Variants in GPHN observed in about 807,000 individuals in gnomAD.
GPHN encodes gephyrin.
In GPHN, 17 loss-of-function variants were observed where a neutral mutation model predicts 95.5. That is an observed-to-expected ratio of 0.18 (90% confidence interval 0.12 to 0.27). The LOEUF (loss-of-function observed/expected upper bound fraction) is 0.27. GPHN is among the 10% of genes least tolerant of loss of function. GPHN has a pLI of 1.00. For synonymous variants in GPHN, 320 were observed against 322.5 expected (o/e 0.99, Z 0.08); for missense variants, 660 against 978.1 (o/e 0.67, Z 4.34).
intron 3 of GPHN, among the ~76,000 whole-genome samples, chr14:66,809,454 A>G (rs1477113719): frequency 6.6e-6 from 1 of 152,176 alleles, no homozygotes; most frequent in Non-Finnish European, 1.5e-5. Flanking sequence ...GTAAAGGAAA[A>G]CTGTGTGATA....
At chr14:66,630,656 T>G (rs1359697051) in intron 1 of GPHN, among the ~76,000 whole-genome samples, 2 of 152,056 alleles carry the variant, frequency 1.3e-5, no homozygotes, top group Non-Finnish European at 2.9e-5. Flanking sequence ...TATTTTTTAG[T>G]GGAAACGGAG....
intron 1 of GPHN, among the ~76,000 whole-genome samples, chr14:66,594,444 G>T (rs1379647602): frequency 6.6e-6 from 1 of 152,176 alleles, no homozygotes; most frequent in Non-Finnish European, 1.5e-5. Context: ...AATCAAAACA[G>T]CATGGTGCTG....
At chr14:67,050,420 T>C (rs998472543) in intron 10 of GPHN, among the ~76,000 whole-genome samples, 2 of 152,166 alleles carry the variant, frequency 1.3e-5, no homozygotes, top group Admixed American at 6.5e-5. Context: ...GTATCTACTA[T>C]AAGTGTAAGG....
chr14:67,628,413 T>C, the GPHN span, among the ~76,000 whole-genome samples: 1 of 152,206 alleles, frequency 6.6e-6, no homozygotes. Context: ...AGGAGGTGAA[T>C]ACATAATCAG....
At chr14:67,128,018 A>G (rs1027220419) in intron 17 of GPHN, among the ~76,000 whole-genome samples, 18 of 152,172 alleles carry the variant, frequency 1.2e-4, no homozygotes. Context: ...CCATGTCTTC[A>G]TTCTCCACTC....
intron 5 of GPHN, among the ~76,000 whole-genome samples, chr14:66,887,324 T>C (rs2064246746): frequency 6.6e-6 from 1 of 152,158 alleles, no homozygotes; most frequent in Non-Finnish European, 1.5e-5. Context: ...GCATGGTGGC[T>C]CACACCTATA....
the GPHN span, among the ~76,000 whole-genome samples, chr14:67,257,637 T>TA: frequency 2.0e-5 from 3 of 152,080 alleles, no homozygotes; most frequent in Non-Finnish European, 2.9e-5. Flanking sequence ...ACATAGAACA[T>TA]ACACACGTAT....
chr14:67,546,999 A>T, the GPHN span, among the ~76,000 whole-genome samples: 10,760 of 152,184 alleles, frequency 0.071, 429 homozygotes, highest in East Asian at 0.14. Flanking sequence ...CCACCTTATA[A>T]ACACCATACC....
At chr14:66,625,314 C>G (rs898260868) in intron 1 of GPHN, among the ~76,000 whole-genome samples, 1 of 152,140 alleles carries the variant, frequency 6.6e-6, no homozygotes, top group African/African-American at 2.4e-5. Context: ...CTCAAGTGAT[C>G]CTCCTGCCTT....
intron 6 of GPHN, among the ~76,000 whole-genome samples, chr14:66,916,875 A>G (rs767755509): frequency 2.0e-5 from 3 of 152,160 alleles, no homozygotes; most frequent in Non-Finnish European, 2.9e-5. Flanking sequence ...CAACACAGTC[A>G]TGTTTGTCTG....
chr14:66,806,512 A>G (rs142992588), intron 3 of GPHN, among the ~76,000 whole-genome samples: 4,329 of 152,148 alleles, frequency 0.028, 89 homozygotes, highest in Non-Finnish European at 0.04. Flanking sequence ...AAATTTTCCA[A>G]ACTTTTACAC....
At chr14:67,323,259 GTGTATATA>G in the GPHN span, among the ~76,000 whole-genome samples, 1 of 125,182 alleles carries the variant, frequency 8.0e-6, no homozygotes, top group Non-Finnish European at 1.7e-5. Context: ...GTGTGTGTGT[GTGTATATA>G]TATATATGGC....
intron 1 of GPHN, among the ~76,000 whole-genome samples, chr14:66,675,914 A>C (rs1382116957): frequency 6.6e-6 from 1 of 151,744 alleles, no homozygotes; most frequent in Non-Finnish European, 1.5e-5. Context: ...TTTTTCAGCT[A>C]GTTGGTTATT....
chr14:67,253,773 C>A, the GPHN span, among the ~76,000 whole-genome samples: 1 of 151,160 alleles, frequency 6.6e-6, no homozygotes, highest in Non-Finnish European at 1.5e-5. Context: ...CCCAGAAAGT[C>A]AAGGCTGTGG....
chr14:66,698,984 G>T (rs771466242), intron 2 of GPHN, among the ~76,000 whole-genome samples: 4 of 152,114 alleles, frequency 2.6e-5, no homozygotes, highest in Admixed American at 1.3e-4. Flanking sequence ...TTATTGACCC[G>T]TGGTGTAGAT....
At chr14:67,317,299 CA>C in the GPHN span, 10 of 1,013,130 alleles carry the variant, frequency 9.9e-6, no homozygotes, top group South Asian at 5.3e-5. Context: ...CTCGTTTCTG[CA>C]AAAAAATTTA....
the GPHN span, among the ~76,000 whole-genome samples, chr14:67,700,627 A>G: frequency 6.6e-6 from 1 of 151,336 alleles, no homozygotes; most frequent in Non-Finnish European, 1.5e-5. Context: ...AGGCAGGAGA[A>G]TGGCGTGAAC....
At chr14:66,702,925 A>G (rs1376047538) in intron 2 of GPHN, among the ~76,000 whole-genome samples, 3 of 152,178 alleles carry the variant, frequency 2.0e-5, no homozygotes, top group Non-Finnish European at 4.4e-5. Flanking sequence ...GCCAACTAGA[A>G]TAACCAATTT....
At chr14:66,901,467 T>C (rs1286377861) in intron 5 of GPHN, among the ~76,000 whole-genome samples, 1 of 152,084 alleles carries the variant, frequency 6.6e-6, no homozygotes, top group African/African-American at 2.4e-5. Context: ...AAAGATGTCC[T>C]GGAGCATTTC....
Sources: gnomAD v4.1 joint callset for allele counts (sites outside exome capture counted in the v4.1 genomes callset) on GRCh38, gnomAD v4.1.1 for gene constraint, MANE v1.5 for transcripts, NCBI Gene and HGNC (gene_info 2026-07-23, HGNC 2026-07-21) for gene names.